Variants in ASTN2 observed in about 807,000 individuals in gnomAD.
The protein encoded by ASTN2 is astrotactin 2.
In ASTN2, 54 loss-of-function variants were observed where a neutral mutation model predicts 139.8. That is an observed-to-expected ratio of 0.39 (90% CI 0.31 to 0.48). The LOEUF is 0.48. Ranked by LOEUF, ASTN2 falls within the 20% of genes least tolerant of loss-of-function variation. The pLI is 0.95. For missense variants in ASTN2, 1,565 were observed against 1,725.1 expected (o/e 0.91, Z 1.64); for synonymous variants, 756 against 719.5 (o/e 1.05, Z -0.81).
At chr9:117,018,978 A>G (rs931653873) in intron 6 of ASTN2, among the ~76,000 whole-genome samples, 4 of 151,984 alleles carry the variant, frequency 2.6e-5, no homozygotes, top group Non-Finnish European at 5.9e-5. Flanking sequence ...AGGCTACCTG[A>G]CTCTGACTCC....
intron 16 of ASTN2, among the ~76,000 whole-genome samples, chr9:116,673,251 T>C (rs1859307077): frequency 6.6e-6 from 1 of 152,182 alleles, no homozygotes; most frequent in Admixed American, 6.5e-5. Context: ...CTTGCTTTGT[T>C]TGTGGGTTTT....
Position 117,279,227 on chromosome 9 carries a change from C to T in ASTN2, c.630+12099G>A, listed in dbSNP as rs948808436. Among the ~76,000 whole-genome samples, 7 of 152,052 alleles carry T rather than the reference C, an allele frequency of 4.6e-5. No individual in the cohort carries two copies. In the South Asian group the frequency reaches 1.5e-3, roughly 32 times the overall value. On this transcript the variant is annotated intron_variant, in intron 2 of 22. Transcript: ENST00000313400. The stretch of plus-strand genomic sequence containing the variant: ...TAAAAAGTCCTTATCCATCCTTGCC[C>T]CCTATAAGAAAGGAAATATTATACA...
In ASTN2 at chr9:116,814,053, A is replaced by AAG. The variant is rs1554750068; in HGVS notation, c.2207+6562_2207+6563dup. ...TCTGTCTCAAGAAAAAAAAAAAAAA[A>AAG]AGAGAGAGAGAGAAAAGTAGTTAAG... On this transcript the variant is annotated intron_variant, in intron 12 of 22. Transcript: ENST00000313400. Among the ~76,000 whole-genome samples the AAG allele has an allele frequency of 1.1e-4, 16 of 151,658 alleles. No individual in the cohort carries two copies. The East Asian group carries it at 1.4e-3, about 13-fold the overall frequency.
chr9:117,120,497 A>C (rs886965508), intron 4 of ASTN2, among the ~76,000 whole-genome samples: 4 of 152,160 alleles, frequency 2.6e-5, no homozygotes, highest in African/African-American at 9.7e-5. Flanking sequence ...GACATTTCAA[A>C]GACCATTGAG....
At chr9:116,932,992 C>A (rs7044180) in intron 10 of ASTN2, among the ~76,000 whole-genome samples, 180 of 106,874 alleles carry the variant, frequency 1.7e-3, no homozygotes, top group African/African-American at 6.5e-3. Flanking sequence ...GGTGACAGAG[C>A]GAGACTCTGT....
In ASTN2 at chr9:117,214,593, C is replaced by T; in HGVS notation, c.780G>A (p.Leu260=). The T allele has an allele frequency of 6.2e-7, 1 of 1,606,312 alleles. No homozygotes were observed. The highest frequency in any genetic ancestry group is 1.1e-5 in the South Asian group (1 of 90,734). The change falls in exon 3 of 23, where the codon CTG becomes CTA. Residue 260 remains leucine (L), a synonymous_variant. Coordinates refer to ENST00000313400, the MANE Select transcript of ASTN2 (RefSeq NM_001365068.1). Reference sequence around the variant, plus strand: ...GGAAGCTCTCCCGCGCCTGGGGACCCAGCAGCACAGATGGGATGTAGTGGA... The same window carrying T: ...GGAAGCTCTCCCGCGCCTGGGGACCTAGCAGCACAGATGGGATGTAGTGGA... ...HEIHYIPSVL[L]GPQARESFRS... is the part of the protein sequence containing the mutation.
chr9:117,145,770 T>C (rs1830180394), intron 3 of ASTN2, among the ~76,000 whole-genome samples: 1 of 152,206 alleles, frequency 6.6e-6, no homozygotes, highest in East Asian at 1.9e-4. Flanking sequence ...CATTTGAAGA[T>C]GTGTTCTTTG....
chr9:116,789,723 C>G (rs1386834821), intron 13 of ASTN2, among the ~76,000 whole-genome samples: 1 of 152,108 alleles, frequency 6.6e-6, no homozygotes, highest in East Asian at 1.9e-4. Context: ...CTTACTGTTT[C>G]ATTTATCTGG....
At chr9:117,325,362 G>T (rs917569003) in intron 1 of ASTN2, among the ~76,000 whole-genome samples, 4 of 152,072 alleles carry the variant, frequency 2.6e-5, no homozygotes, top group African/African-American at 9.7e-5. Context: ...CCCTCCTCCT[G>T]TCTTTTTCAT....
chr9:116,855,323 C>CTGATTGAGGAGCTACTCT, intron 11 of ASTN2, among the ~76,000 whole-genome samples: 1 of 152,348 alleles, frequency 6.6e-6, no homozygotes, highest in East Asian at 1.9e-4. Context: ...GCAAATGCTC[C>CTGATTGAGGAGCTACTCT]TGATTGAGGA....
chr9:116,549,807 T>C (rs1263992642), intron 19 of ASTN2, among the ~76,000 whole-genome samples: 2 of 152,198 alleles, frequency 1.3e-5, no homozygotes, highest in Non-Finnish European at 2.9e-5. Flanking sequence ...ACATGGCATC[T>C]GAGGCCTCCC....
intron 3 of ASTN2, among the ~76,000 whole-genome samples, chr9:117,174,188 C>T (rs1830863712): frequency 6.6e-6 from 1 of 151,492 alleles, no homozygotes; most frequent in East Asian, 1.9e-4. Flanking sequence ...AGACACACAA[C>T]CATGAATACA....
intron 5 of ASTN2, among the ~76,000 whole-genome samples, chr9:117,060,901 A>G (rs1839270336): frequency 6.6e-6 from 1 of 152,144 alleles, no homozygotes; most frequent in Admixed American, 6.5e-5. Context: ...TCAAAAAGAA[A>G]GGGAAAAGAA....
At chr9:117,149,557 GA>G (rs1830280850) in intron 3 of ASTN2, among the ~76,000 whole-genome samples, 1 of 152,050 alleles carries the variant, frequency 6.6e-6, no homozygotes, top group Non-Finnish European at 1.5e-5. Context: ...CAGGACTGGG[GA>G]CAAGGTGATA....
intron 6 of ASTN2, among the ~76,000 whole-genome samples, chr9:117,013,427 C>CA (rs1336114931): frequency 6.6e-6 from 1 of 150,974 alleles, no homozygotes; most frequent in East Asian, 2.0e-4. Context: ...AAATCTCTGC[C>CA]AAAATCTCAA....
At chr9:116,578,029 T>A (rs1430170231) in intron 19 of ASTN2, among the ~76,000 whole-genome samples, 1 of 152,170 alleles carries the variant, frequency 6.6e-6, no homozygotes, top group Non-Finnish European at 1.5e-5. Flanking sequence ...AACCTTACTC[T>A]GAAGGCAAAA....
intron 1 of ASTN2, among the ~76,000 whole-genome samples, chr9:117,302,409 T>C (rs1834899254): frequency 6.6e-6 from 1 of 152,266 alleles, no homozygotes; most frequent in East Asian, 1.9e-4. Context: ...GATCTCATTG[T>C]TTAGAAGAAC....
intron 1 of ASTN2, among the ~76,000 whole-genome samples, chr9:117,314,958 C>T (rs192206485): frequency 7.4e-6 from 1 of 135,126 alleles, no homozygotes; most frequent in African/African-American, 2.6e-5. Context: ...ATACACATAA[C>T]ATAATATTGG....
chr9:116,766,077 G>C (rs1226060987), intron 13 of ASTN2, among the ~76,000 whole-genome samples: 1 of 152,066 alleles, frequency 6.6e-6, no homozygotes, highest in African/African-American at 2.4e-5. Flanking sequence ...GTTTAAAAGA[G>C]AGCCTAAAAC....
Sources: gnomAD v4.1 joint callset for allele counts (sites outside exome capture counted in the v4.1 genomes callset) on GRCh38, gnomAD v4.1.1 for gene constraint, MANE v1.5 for transcripts, NCBI Gene and HGNC (gene_info 2026-07-23, HGNC 2026-07-21) for gene names.